Variants in CNTN6 observed in about 807,000 individuals in gnomAD.
CNTN6 encodes the protein contactin-6.
CNTN6 carries 137 observed loss-of-function variants against 122.8 expected under a neutral mutation model. That is an observed-to-expected ratio of 1.12 (90% confidence interval 0.97 to 1.29). The LOEUF is 1.29. Among genes scored for constraint, CNTN6 ranks in the 50% most tolerant of loss-of-function variants. CNTN6 has a pLI of 0.00. For synonymous variants in CNTN6, 570 were observed against 426.0 expected, an observed-to-expected ratio of 1.34 and a Z score of -4.16; for missense variants, 1,634 against 1,223.4, an observed-to-expected ratio of 1.34 and a Z score of -5.01.
intron 11 of CNTN6, among the ~76,000 whole-genome samples, chr3:1,334,083 T>C (rs1046743423): frequency 7.2e-5 from 11 of 152,178 alleles, no homozygotes; most frequent in African/African-American, 2.6e-4. Flanking sequence ...TCTGTATTTA[T>C]AGCAGCCTGT....
chr3:1,152,199 C>T (rs1322156409), intron 2 of CNTN6, among the ~76,000 whole-genome samples: 7 of 152,026 alleles, frequency 4.6e-5, no homozygotes, highest in South Asian at 4.1e-4. Flanking sequence ...AGTGCAGTGG[C>T]GTGATATCAG....
At chr3:1,328,976 T>C (rs1701903357) in intron 10 of CNTN6, among the ~76,000 whole-genome samples, 1 of 151,586 alleles carries the variant, frequency 6.6e-6, no homozygotes, top group Admixed American at 6.6e-5. Flanking sequence ...TAGTATTTTA[T>C]TGCTAATAGC....
Position 1,216,357 on chromosome 3 carries a change from T to A in CNTN6, c.56-4330T>A, listed in dbSNP as rs140951982. 2.1e-4 allele frequency among the ~76,000 whole-genome samples: 32 copies of A among 152,340 alleles called. No individual in the cohort carries two copies. In the East Asian group the frequency reaches 6.2e-3, roughly 29 times the overall value. On this transcript the variant is annotated intron_variant, in intron 2 of 22. Coordinates refer to ENST00000446702, the MANE Select transcript of CNTN6 (RefSeq NM_001289080.2). ...ATTAGGAAATCAAGAACTCCTTCCC[T>A]TCTCTGAGCCTGACCAGACTGCTTT...
chr3:1,109,914 C>CATATCTCTTCT (rs2091401705), intron 1 of CNTN6, among the ~76,000 whole-genome samples: 1 of 152,040 alleles, frequency 6.6e-6, no homozygotes, highest in Non-Finnish European at 1.5e-5. Flanking sequence ...ATTATTTTTA[C>CATATCTCTTCT]ATATCTCTTC....
chr3:1,162,870 C>T (rs2093166750), intron 2 of CNTN6, among the ~76,000 whole-genome samples: 2 of 152,170 alleles, frequency 1.3e-5, no homozygotes, highest in South Asian at 4.1e-4. Flanking sequence ...TGTATCCTCC[C>T]ATTGCTTATA....
chr3:1,176,173 A>G (rs1361701385), intron 2 of CNTN6, among the ~76,000 whole-genome samples: 2 of 152,144 alleles, frequency 1.3e-5, no homozygotes, highest in East Asian at 3.9e-4. Context: ...TAGTAGAAAT[A>G]TTGGGAGGCC....
chr3:1,239,686 A>G (rs1384076902), intron 4 of CNTN6, among the ~76,000 whole-genome samples: 1 of 152,166 alleles, frequency 6.6e-6, no homozygotes, highest in Admixed American at 6.5e-5. Flanking sequence ...TAAAATTTAC[A>G]TGGAACCAAA....
chr3:1,313,048 T>G (rs559737948), intron 7 of CNTN6, among the ~76,000 whole-genome samples: 1 of 152,192 alleles, frequency 6.6e-6, no homozygotes, highest in South Asian at 2.1e-4. Flanking sequence ...TTTACTTCTT[T>G]ATATGAAAAT....
intron 2 of CNTN6, among the ~76,000 whole-genome samples, chr3:1,153,164 T>G (rs2125196715): frequency 6.6e-6 from 1 of 152,342 alleles, no homozygotes; most frequent in South Asian, 2.1e-4. Context: ...CCTATTTGGT[T>G]AGTCCTGAAG....
intron 4 of CNTN6, among the ~76,000 whole-genome samples, chr3:1,245,260 TATATATATATATATACACACAC>T (rs1427751366): frequency 0.026 from 86 of 3,334 alleles, 16 homozygotes; most frequent in African/African-American, 0.062. Flanking sequence ...ATATATAACA[TATATATATATATATACACACAC>T]ATATATATAT....
At chr3:1,139,077 C>T (rs1176509543) in intron 1 of CNTN6, among the ~76,000 whole-genome samples, 1 of 152,006 alleles carries the variant, frequency 6.6e-6, no homozygotes, top group Non-Finnish European at 1.5e-5. Context: ...TTATTCTTCA[C>T]CTGTTTTTTG....
chr3:1,106,485 C>T lies in CNTN6; in HGVS notation c.-83+13365C>T, dbSNP rs554206745. Among the ~76,000 whole-genome samples, 31 of 151,794 alleles carry T rather than the reference C, an allele frequency of 2.0e-4. No homozygotes were observed. The East Asian group carries it at 3.3e-3, about 16-fold the overall frequency. On this transcript the variant is annotated intron_variant, in intron 1 of 22. Transcript: ENST00000446702. ...TAGATCTGAGGCCAGGTGTTCAAGA[C>T]GAGCCTAGGCAACAAAGTGAGACCC... is the stretch of plus-strand genomic sequence containing the variant.
chr3:1,133,479 G>A (rs981819471), intron 1 of CNTN6, among the ~76,000 whole-genome samples: 2 of 152,152 alleles, frequency 1.3e-5, no homozygotes, highest in Non-Finnish European at 2.9e-5. Flanking sequence ...CCATTTTACT[G>A]ATGAGGAAAC....
intron 4 of CNTN6, among the ~76,000 whole-genome samples, chr3:1,240,158 A>G (rs1032202078): frequency 2.0e-5 from 3 of 152,198 alleles, no homozygotes; most frequent in Non-Finnish European, 4.4e-5. Context: ...AACAAAAACA[A>G]AGATAAATAC....
chr3:1,340,727 A>T (rs996309208), intron 11 of CNTN6, among the ~76,000 whole-genome samples: 6 of 152,156 alleles, frequency 3.9e-5, no homozygotes, highest in Non-Finnish European at 7.4e-5. Context: ...TTCAGTAGCC[A>T]AAGGGAATCC....
At chr3:1,382,086 A>T (rs17038440) in intron 17 of CNTN6, among the ~76,000 whole-genome samples, 4,924 of 151,476 alleles carry the variant, frequency 0.033, 113 homozygotes, top group South Asian at 0.054. Context: ...TGCCTTTATT[A>T]GTCTGTCAGA....
intron 7 of CNTN6, among the ~76,000 whole-genome samples, chr3:1,310,295 C>T (rs1424184792): frequency 2.0e-5 from 3 of 152,146 alleles, no homozygotes; most frequent in Non-Finnish European, 4.4e-5. Flanking sequence ...AGCTTCCTCT[C>T]CATTCCTAGT....
intron 5 of CNTN6, among the ~76,000 whole-genome samples, chr3:1,287,539 G>A (rs1438644136): frequency 1.3e-5 from 2 of 152,060 alleles, no homozygotes; most frequent in African/African-American, 4.8e-5. Flanking sequence ...AGAATTGGAG[G>A]TTTCCTAGCA....
chr3:1,225,659 C>G (rs554497344), intron 3 of CNTN6, among the ~76,000 whole-genome samples: 1 of 150,256 alleles, frequency 6.7e-6, no homozygotes, highest in Non-Finnish European at 1.5e-5. Flanking sequence ...TGTCTTGAGA[C>G]AGGCCTAAAG....
Sources: gnomAD v4.1 joint callset for allele counts (sites outside exome capture counted in the v4.1 genomes callset) on GRCh38, gnomAD v4.1.1 for gene constraint, MANE v1.5 for transcripts, NCBI Gene and HGNC (gene_info 2026-07-23, HGNC 2026-07-21) for gene names.